CNTNAP2: variants seen among roughly 807,000 people sequenced by gnomAD.
CNTNAP2 encodes the protein contactin associated protein 2.
Under a neutral mutation model 155.2 loss-of-function variants are expected in CNTNAP2, and 98 were observed. That is an observed-to-expected ratio of 0.63 (90% CI 0.54 to 0.75). CNTNAP2 has a LOEUF of 0.75. Among genes scored for constraint, CNTNAP2 ranks in the 30% least tolerant of loss-of-function variants. CNTNAP2 has a pLI of 0.00. For synonymous variants in CNTNAP2, 651 were observed against 631.2 expected, an observed-to-expected ratio of 1.03 and a Z score of -0.47; for missense variants, 1,727 against 1,688.1, an observed-to-expected ratio of 1.02 and a Z score of -0.40.
intron 18 of CNTNAP2, among the ~76,000 whole-genome samples, chr7:148,188,960 A>G (rs1301325946): frequency 6.6e-6 from 1 of 152,142 alleles, no homozygotes; most frequent in East Asian, 1.9e-4. Flanking sequence ...CAATTTTTTT[A>G]TTGTAAATAA....
At chr7:146,681,017 G>A (rs1031798931) in intron 1 of CNTNAP2, among the ~76,000 whole-genome samples, 2 of 152,116 alleles carry the variant, frequency 1.3e-5, no homozygotes, top group Non-Finnish European at 2.9e-5. Context: ...CCTTACAGAA[G>A]CCAGAGCTAC....
chr7:148,142,497 T>G (rs1482961348), intron 16 of CNTNAP2, among the ~76,000 whole-genome samples: 1 of 152,168 alleles, frequency 6.6e-6, no homozygotes, highest in African/African-American at 2.4e-5. Flanking sequence ...ATGACTCAAA[T>G]GAGATTTATT....
chr7:147,881,523 T>C (rs1799520379), intron 13 of CNTNAP2, among the ~76,000 whole-genome samples: 1 of 152,226 alleles, frequency 6.6e-6, no homozygotes, highest in Non-Finnish European at 1.5e-5. Flanking sequence ...GTCGTCGGTC[T>C]AGAAAGAAGC....
chr7:148,331,299 G>A (rs371682578), intron 21 of CNTNAP2, among the ~76,000 whole-genome samples: 21 of 125,980 alleles, frequency 1.7e-4, no homozygotes, highest in African/African-American at 5.2e-4. Context: ...TGGATGGAGT[G>A]GATGGATGGA....
intron 11 of CNTNAP2, among the ~76,000 whole-genome samples, chr7:147,511,695 G>A (rs1799025598): frequency 6.6e-6 from 1 of 151,990 alleles, no homozygotes; most frequent in Non-Finnish European, 1.5e-5. Context: ...GTATTTAATG[G>A]CATCCAATCA....
intron 13 of CNTNAP2, among the ~76,000 whole-genome samples, chr7:147,870,641 G>T (rs1196076385): frequency 6.6e-6 from 1 of 152,142 alleles, no homozygotes; most frequent in East Asian, 1.9e-4. Context: ...ATCAGAGAAT[G>T]CAAATCTTTA....
chr7:147,394,549 G>C (rs1013704851), intron 9 of CNTNAP2, among the ~76,000 whole-genome samples: 4 of 152,016 alleles, frequency 2.6e-5, no homozygotes, highest in Non-Finnish European at 5.9e-5. Context: ...GGCAGATTTG[G>C]TATGGTGAAC....
intron 15 of CNTNAP2, among the ~76,000 whole-genome samples, chr7:148,083,117 G>C (rs918212917): frequency 6.6e-6 from 1 of 152,148 alleles, no homozygotes; most frequent in Non-Finnish European, 1.5e-5. Flanking sequence ...CAGATCAGTG[G>C]ATGAAGAGGA....
chr7:148,411,570 T>C (rs1324181690), intron 23 of CNTNAP2, among the ~76,000 whole-genome samples: 1 of 152,106 alleles, frequency 6.6e-6, no homozygotes, highest in Non-Finnish European at 1.5e-5. Context: ...CCGGCCCCAA[T>C]CTTTTTTATA....
At chr7:147,945,173 A>G (rs1313419164) in intron 14 of CNTNAP2, among the ~76,000 whole-genome samples, 1 of 152,172 alleles carries the variant, frequency 6.6e-6, no homozygotes, top group African/African-American at 2.4e-5. Context: ...CTTTCTTTTG[A>G]TAAGATCATA....
chr7:146,326,491 C>T (rs1801099922), intron 1 of CNTNAP2, among the ~76,000 whole-genome samples: 1 of 152,108 alleles, frequency 6.6e-6, no homozygotes, highest in Non-Finnish European at 1.5e-5. Context: ...ATTCAAATAG[C>T]CCTCAATCCA....
At chr7:147,245,131 G>T (rs979709460) in intron 8 of CNTNAP2, among the ~76,000 whole-genome samples, 2 of 152,058 alleles carry the variant, frequency 1.3e-5, no homozygotes, top group Admixed American at 6.6e-5. Flanking sequence ...TTTTGCTTTT[G>T]TCTAAACTCA....
At chr7:147,179,974 A>T (rs1488750375) in intron 8 of CNTNAP2, among the ~76,000 whole-genome samples, 1 of 152,094 alleles carries the variant, frequency 6.6e-6, no homozygotes, top group Non-Finnish European at 1.5e-5. Flanking sequence ...GGGATAGAGG[A>T]TGCGGTTGTT....
chr7:146,744,769 T>C (rs965579585), intron 1 of CNTNAP2, among the ~76,000 whole-genome samples: 3 of 152,124 alleles, frequency 2.0e-5, no homozygotes, highest in Non-Finnish European at 2.9e-5. Context: ...GTGGGTGCAA[T>C]AGAACTGGAT....
chr7:148,019,212 G>A (rs1802234226), intron 15 of CNTNAP2, among the ~76,000 whole-genome samples: 1 of 152,104 alleles, frequency 6.6e-6, no homozygotes, highest in Non-Finnish European at 1.5e-5. Context: ...CCCATAGTGT[G>A]GTCCCAAATC....
intron 1 of CNTNAP2, among the ~76,000 whole-genome samples, chr7:146,686,656 C>T (rs984752106): frequency 2.0e-5 from 3 of 152,160 alleles, no homozygotes; most frequent in Non-Finnish European, 2.9e-5. Flanking sequence ...TGACTTTTCA[C>T]AGTATTACTT....
intron 13 of CNTNAP2, among the ~76,000 whole-genome samples, chr7:147,817,193 G>T (rs552966377): frequency 1.5e-4 from 23 of 152,206 alleles, no homozygotes; most frequent in African/African-American, 5.3e-4. Context: ...GAGCACAGCT[G>T]TAAATTTAAA....
chr7:147,457,634 A>G (rs936798568), intron 10 of CNTNAP2, among the ~76,000 whole-genome samples: 2 of 152,086 alleles, frequency 1.3e-5, no homozygotes, highest in Non-Finnish European at 2.9e-5. Context: ...CTGCCATATG[A>G]TAGGCATCCA....
intron 10 of CNTNAP2, among the ~76,000 whole-genome samples, chr7:147,437,736 ATTGATGTT>A (rs995964481): frequency 1.3e-5 from 2 of 152,114 alleles, no homozygotes; most frequent in African/African-American, 2.4e-5. Context: ...AAAGAATGCC[ATTGATGTT>A]TTGATAAGAA....
Sources: gnomAD v4.1 joint callset for allele counts (sites outside exome capture counted in the v4.1 genomes callset) on GRCh38, gnomAD v4.1.1 for gene constraint, MANE v1.5 for transcripts, NCBI Gene and HGNC (gene_info 2026-07-23, HGNC 2026-07-21) for gene names.